The following TDRD3 variants were observed in gnomAD, a reference collection of about 807,000 sequenced individuals.
The protein encoded by TDRD3 is tudor domain-containing protein 3.
A neutral mutation model predicts 86.7 loss-of-function variants in TDRD3; 45 were observed. The observed-to-expected ratio is 0.52, with a 90% CI of 0.41 to 0.67. The LOEUF (loss-of-function observed/expected upper bound fraction) is 0.67, where lower values mean the gene tolerates loss of function less well. TDRD3 is among the 30% of genes least tolerant of loss of function. The pLI, the probability that TDRD3 is intolerant of heterozygous loss-of-function variation, is 0.00. For synonymous variants in TDRD3, 298 were observed against 301.7 expected, an observed-to-expected ratio of 0.99 and a Z score of 0.13; for missense variants, 814 against 889.0, an observed-to-expected ratio of 0.92 and a Z score of 1.07.
intron 3 of TDRD3, among the ~76,000 whole-genome samples, chr13:60,459,034 G>A (rs1453364436): frequency 2.0e-5 from 3 of 152,092 alleles, no homozygotes; most frequent in African/African-American, 7.2e-5. Context: ...TTTTTCGTAA[G>A]TGAAAATTAG....
chr13:60,565,840 GAAT>G (rs1282316042), intron 12 of TDRD3, among the ~76,000 whole-genome samples: 2 of 152,054 alleles, frequency 1.3e-5, no homozygotes, highest in African/African-American at 4.8e-5. Flanking sequence ...ACACTGACCA[GAAT>G]AATAATAAAT....
intron 1 of TDRD3, among the ~76,000 whole-genome samples, chr13:60,426,700 A>G (rs1184599933): frequency 6.6e-6 from 1 of 152,236 alleles, no homozygotes; most frequent in East Asian, 1.9e-4. Flanking sequence ...GAGAAAATTA[A>G]GGAGAGATTA....
At chr13:60,464,645 C>A (rs1161841709) in intron 4 of TDRD3, among the ~76,000 whole-genome samples, 3 of 152,064 alleles carry the variant, frequency 2.0e-5, no homozygotes, top group Non-Finnish European at 4.4e-5. Flanking sequence ...GAAATCTTGT[C>A]ATTTGCAACA....
At chr13:60,450,913 G>A (rs559107557) in intron 3 of TDRD3, among the ~76,000 whole-genome samples, 60 of 152,088 alleles carry the variant, frequency 3.9e-4, no homozygotes, top group African/African-American at 1.2e-3. Flanking sequence ...GCCCCATATC[G>A]GGCGTATTTA....
chr13:60,567,527 G>C lies in TDRD3; in HGVS notation c.2121G>C (p.Glu707Asp). 1 of 1,614,072 alleles carries C rather than the reference G, an allele frequency of 6.2e-7. No homozygotes were observed. Among genetic ancestry groups the C allele is most frequent in the Non-Finnish European group, 8.5e-7 (1 of 1,180,006 alleles). Residue 707 changes from glutamate (E) to aspartate (D), a missense_variant and splice_region_variant, in exon 13 of 14, where the codon GAG becomes GAC. Glu to Asp is a conservative substitution (Grantham distance 45). Coordinates refer to ENST00000377881, the MANE Select transcript of TDRD3 (RefSeq NM_001146070.2). ...NIKPIQTEAW[E>D]EEGTYDQTLE... is the part of the protein sequence containing the mutation. ...AAATCACTACTCTTTGCAAATAGGA[G>C]GAAGAAGGCACCTACGATCAAACTC... is the stretch of plus-strand genomic sequence containing the variant.
At chr13:60,445,191 A>G (rs1955371398) in intron 3 of TDRD3, among the ~76,000 whole-genome samples, 1 of 152,230 alleles carries the variant, frequency 6.6e-6, no homozygotes, top group African/African-American at 2.4e-5. Flanking sequence ...TGTCTATTGC[A>G]ATCATTTTGC....
intron 10 of TDRD3, among the ~76,000 whole-genome samples, chr13:60,516,763 C>T (rs959499762): frequency 2.0e-5 from 3 of 152,312 alleles, no homozygotes; most frequent in Middle Eastern, 6.8e-3. Context: ...CAGCATCCTC[C>T]ACTCACCATG....
At chr13:60,419,001 G>T (rs1954591304) in intron 1 of TDRD3, among the ~76,000 whole-genome samples, 1 of 152,100 alleles carries the variant, frequency 6.6e-6, no homozygotes, top group Admixed American at 6.6e-5. Context: ...TATGAATAAG[G>T]CTTGGAGCAT....
chr13:60,421,619 A>C (rs1212700230), intron 1 of TDRD3, among the ~76,000 whole-genome samples: 2 of 152,214 alleles, frequency 1.3e-5, no homozygotes, highest in African/African-American at 4.8e-5. Flanking sequence ...CCCCCAAACT[A>C]TACGGATGAC....
intron 1 of TDRD3, among the ~76,000 whole-genome samples, chr13:60,421,877 C>T (rs953485931): frequency 6.6e-6 from 1 of 151,988 alleles, no homozygotes; most frequent in African/African-American, 2.4e-5. Flanking sequence ...TAGGAATGAC[C>T]ACCAGAAAGA....
intron 9 of TDRD3, 77 bp from the exon 10 acceptor site, chr13:60,510,553 T>C: frequency 7.8e-7 from 1 of 1,279,808 alleles, no homozygotes. Context: ...TTAAAATTAT[T>C]GTTGGTTATA....
intron 1 of TDRD3, among the ~76,000 whole-genome samples, chr13:60,398,960 A>G (rs1954019941): frequency 6.6e-6 from 1 of 152,118 alleles, no homozygotes; most frequent in African/African-American, 2.4e-5. Context: ...GATCCTTCAC[A>G]CTAGTAATAT....
chr13:60,510,660 C>A lies in TDRD3; in HGVS notation c.1046C>A (p.Ser349Tyr), dbSNP rs759723351. The A allele has an allele frequency of 6.2e-7, 1 of 1,604,068 alleles. No homozygotes were observed. Among genetic ancestry groups the A allele is most frequent in the South Asian group, 1.1e-5 (1 of 89,114 alleles). ...GGAAAAGGCAGGGGGCGAATAAGAT[C>A]TGAAGATGAAGAGGACCTGGGAAAT... ...GRGKGRGRIR[S>Y]EDEEDLGNAR... Residue 349 changes from serine (S) to tyrosine (Y), a missense_variant, in exon 10 of 14, where the codon TCT (serine) becomes TAT (tyrosine). Ser to Tyr is a moderately radical substitution (Grantham distance 144). Coordinates refer to ENST00000377881, the MANE Select transcript of TDRD3 (RefSeq NM_001146070.2).
At chr13:60,566,192 G>A (rs2137988211) in intron 12 of TDRD3, among the ~76,000 whole-genome samples, 1 of 151,488 alleles carries the variant, frequency 6.6e-6, no homozygotes, top group East Asian at 1.9e-4. Context: ...TACTGTCTTA[G>A]AAGTATTAGG....
intron 10 of TDRD3, among the ~76,000 whole-genome samples, chr13:60,527,196 C>A (rs2137769254): frequency 6.6e-6 from 1 of 152,262 alleles, no homozygotes; most frequent in East Asian, 1.9e-4. Context: ...AACCTTTAAA[C>A]CTTTATTCCT....
intron 3 of TDRD3, among the ~76,000 whole-genome samples, chr13:60,447,222 G>A (rs761850380): frequency 1.3e-5 from 2 of 152,152 alleles, no homozygotes; most frequent in Non-Finnish European, 2.9e-5. Flanking sequence ...AAGCAGAGGA[G>A]GCATGGTTGT....
At chr13:60,413,453 C>T (rs1954416981) in intron 1 of TDRD3, among the ~76,000 whole-genome samples, 1 of 152,138 alleles carries the variant, frequency 6.6e-6, no homozygotes, top group Admixed American at 6.5e-5. Flanking sequence ...CATTTCTTAA[C>T]TGCTCATGTC....
chr13:60,400,415 G>A (rs996670999), intron 1 of TDRD3, among the ~76,000 whole-genome samples: 1 of 152,058 alleles, frequency 6.6e-6, no homozygotes, highest in Non-Finnish European at 1.5e-5. Context: ...AACCTGTCAC[G>A]GGGTACCTAA....
chr13:60,509,345 A>G (rs1231608317), intron 8 of TDRD3, among the ~76,000 whole-genome samples: 2 of 151,988 alleles, frequency 1.3e-5, no homozygotes, highest in Non-Finnish European at 2.9e-5. Flanking sequence ...TCATTTTGTT[A>G]GCTTCAATAG....
Sources: allele counts gnomAD v4.1 joint callset (sites outside exome capture counted in the v4.1 genomes callset), GRCh38; gene constraint gnomAD v4.1.1; transcripts MANE v1.5; gene names NCBI Gene and HGNC (gene_info 2026-07-23, HGNC 2026-07-21).